The following ELAVL1 variants were observed in gnomAD, a reference collection of about 807,000 sequenced individuals.
ELAVL1 encodes ELAV like RNA binding protein 1, also known as ELAV-like protein 1.
Under a neutral mutation model 28.4 loss-of-function variants are expected in ELAVL1, and 1 was observed. That is an observed-to-expected ratio of 0.04 (90% CI 0.01 to 0.17). The LOEUF is 0.17. ELAVL1 is among the 10% of genes least tolerant of loss of function. The pLI is 1.00. For missense variants in ELAVL1, 157 were observed against 447.2 expected (o/e 0.35, Z 5.85); for synonymous variants, 174 against 183.5 (o/e 0.95, Z 0.42).
Position 7,979,133 on chromosome 19 carries a change from G to C in ELAVL1, c.276+1950C>G, listed in dbSNP as rs1289950762. Among the ~76,000 whole-genome samples the C allele has an allele frequency of 6.6e-6, 1 of 152,206 alleles. No homozygotes were observed. The highest frequency in any genetic ancestry group is 1.5e-5 in the Non-Finnish European group (1 of 68,030). The stretch of plus-strand genomic sequence containing the variant: ...AGAGGAGCCAGGCCCAGGGAGCCTC[G>C]GGGAGACCTGGGGAGAAATTACTTA... On this transcript the variant is annotated intron_variant, in intron 3 of 5. Transcript: ENST00000407627. The surrounding 1 kb of genome is among the most constrained non-coding windows in gnomAD (Gnocchi z 5.4).
At chr19:7,969,320 G>A (rs1409652844) in intron 4 of ELAVL1, among the ~76,000 whole-genome samples, 6 of 152,218 alleles carry the variant, frequency 3.9e-5, no homozygotes, top group Non-Finnish European at 7.3e-5. Context: ...GGGGCCTTGG[G>A]TGACCTGTCC....
At chr19:7,991,571 C>A in intron 2 of ELAVL1, 73 bp downstream of exon 2, 2 of 1,479,112 alleles carry the variant, frequency 1.4e-6, no homozygotes, top group South Asian at 1.3e-5. Flanking sequence ...GCCACAGAGT[C>A]ACAGGCAAAG....
chr19:7,995,853 C>T (rs1054167916), intron 1 of ELAVL1, among the ~76,000 whole-genome samples: 1 of 149,834 alleles, frequency 6.7e-6, no homozygotes, highest in Non-Finnish European at 1.5e-5. Context: ...AAAGATACTG[C>T]TAGGAGAATT....
chr19:7,963,874 G>A lies in ELAVL1; in HGVS notation c.657-67C>T, dbSNP rs1285534439. 1.3e-6 allele frequency: 2 copies of A among 1,522,896 alleles called. No homozygotes were observed. The highest frequency in any genetic ancestry group is 2.8e-5 in the African/African-American group (2 of 72,604). The allele number at this position is 1,522,896 out of a possible 1,614,324, so 94.3% of individuals were successfully genotyped here. ...GCGGCCTGGGGATGGGGCAAGGCCT[G>A]GACGCATGCTGACCATGGCCGCTGG... On this transcript the variant is annotated intron_variant, in intron 5 of 5. Transcript: ENST00000407627. The surrounding 1 kb of genome is among the most constrained non-coding windows in gnomAD (Gnocchi z 4.5).
intron 3 of ELAVL1, among the ~76,000 whole-genome samples, chr19:7,977,903 G>A (rs1318417628): frequency 3.3e-5 from 5 of 152,230 alleles, no homozygotes; most frequent in Admixed American, 6.5e-5. Flanking sequence ...TCTAGGATGC[G>A]GCCCTTGCCT....
rs377661419 is a variant in ELAVL1, at chr19:7,991,720, G to A, written c.96C>T (p.Thr32=). The A allele has an allele frequency of 1.2e-5, 20 of 1,614,056 alleles. No homozygotes were observed. In the African/African-American group the frequency reaches 2.5e-4, roughly 20 times the overall value. The stretch of plus-strand genomic sequence containing the variant: ...TGAACAGGCTTCGTAACTCATCCTG[G>A]GTCATGTTCTGAGGGAGGTAGTTGA... ...LIVNYLPQNM[T]QDELRSLFSS... Residue 32 remains threonine, a synonymous_variant, in exon 2 of 6, where the codon ACC becomes ACT. Transcript: ENST00000407627.
chr19:7,970,241 C>T (rs1160057743), intron 4 of ELAVL1, among the ~76,000 whole-genome samples: 12 of 152,164 alleles, frequency 7.9e-5, no homozygotes, highest in Non-Finnish European at 1.5e-4. Context: ...CTGCAACCTC[C>T]GCCTCCCAGG....
Position 7,963,480 on chromosome 19 carries a change from G to A in ELAVL1, c.*3C>T, listed in dbSNP as rs186880346. The A allele has an allele frequency of 1.5e-4, 243 of 1,600,738 alleles. No homozygotes were observed. The highest frequency in any genetic ancestry group is 2.0e-4 in the Non-Finnish European group (230 of 1,170,222). Reference sequence around the variant, plus strand: ...ATTCCGTACAAAAAAAAGCATGAGCGAGTTATTTGTGGGACTTGTTGGTTT... The same window carrying A: ...ATTCCGTACAAAAAAAAGCATGAGCAAGTTATTTGTGGGACTTGTTGGTTT... On this transcript the variant is annotated 3_prime_UTR_variant, in exon 6 of 6. Coordinates refer to ENST00000407627, the MANE Select transcript of ELAVL1 (RefSeq NM_001419.3). The surrounding 1 kb of genome is among the most constrained non-coding windows in gnomAD (Gnocchi z 4.5).
At chr19:8,001,879 T>A (rs2081069220) in intron 1 of ELAVL1, among the ~76,000 whole-genome samples, 1 of 152,128 alleles carries the variant, frequency 6.6e-6, no homozygotes, top group South Asian at 2.1e-4. Context: ...GAGCAAAGCA[T>A]CAGGCATACA....
chr19:7,989,912 T>A (rs1387069456), intron 2 of ELAVL1, among the ~76,000 whole-genome samples: 1 of 152,174 alleles, frequency 6.6e-6, no homozygotes, highest in African/African-American at 2.4e-5. Context: ...GGGTCAGGTG[T>A]CTTAAGGTTA....
intron 1 of ELAVL1, among the ~76,000 whole-genome samples, chr19:7,997,862 G>A (rs2081054771): frequency 6.6e-6 from 1 of 152,100 alleles, no homozygotes; most frequent in Non-Finnish European, 1.5e-5. Flanking sequence ...CAGCTGGGAG[G>A]ATCACTAGAG....
chr19:7,997,833 C>T (rs755103214), intron 1 of ELAVL1, among the ~76,000 whole-genome samples: 1 of 151,912 alleles, frequency 6.6e-6, no homozygotes, highest in Non-Finnish European at 1.5e-5. Context: ...TGTATGCAAT[C>T]CCAGCTAATC....
chr19:7,963,625 T>C lies in ELAVL1; in HGVS notation c.839A>G (p.Asn280Ser). Residue 280 changes from asparagine to serine, a missense_variant, in exon 6 of 6, where the codon AAC (asparagine) becomes AGC (serine). Physicochemically the swap from Asn to Ser is conservative, Grantham distance 46. Transcript: ENST00000407627. The surrounding 1 kb of genome is among the most constrained non-coding windows in gnomAD (Gnocchi z 4.5). ...GCCAAACCCTTTGCACTTGTTGGTG[T>C]TGAAGTCGCGGATCACTTTCACATT... is the stretch of plus-strand genomic sequence containing the variant. ...VTNVKVIRDF[N>S]TNKCKGFGFV... 2.5e-6 allele frequency: 4 copies of C among 1,614,278 alleles called. No homozygotes were observed. The highest frequency in any genetic ancestry group is 2.5e-6 in the Non-Finnish European group (3 of 1,180,046).
chr19:7,965,552 C>T (rs534390628), intron 5 of ELAVL1, among the ~76,000 whole-genome samples: 1 of 152,210 alleles, frequency 6.6e-6, no homozygotes, highest in East Asian at 1.9e-4. Context: ...CTTTCTTCCT[C>T]CTCTTCTCTC....
intron 1 of ELAVL1, among the ~76,000 whole-genome samples, chr19:8,004,003 C>A (rs1039783589): frequency 1.3e-5 from 2 of 152,190 alleles, no homozygotes; most frequent in Non-Finnish European, 2.9e-5. Flanking sequence ...AGTTCAAACC[C>A]TGGCGCAGCC....
rs1176875030 is a variant in ELAVL1, at chr19:7,962,841, C to T, written c.*642G>A. 2 of 152,742 alleles carry T rather than the reference C, an allele frequency of 1.3e-5. No individual in the cohort carries two copies. The highest frequency in any genetic ancestry group is 4.8e-5 in the African/African-American group (2 of 41,478). 9.5% of individuals were successfully genotyped at this position (152,742 alleles called of 1,614,324 possible). A position where few individuals can be genotyped will look rare whatever the true frequency, so the allele number is the denominator to read the frequency against. On this transcript the variant is annotated 3_prime_UTR_variant, in exon 6 of 6. Coordinates refer to ENST00000407627, the MANE Select transcript of ELAVL1 (RefSeq NM_001419.3). Reference sequence around the variant, plus strand: ...CATTGGTGCCTGGGCTTACGAAACACGTTTGTGTCCTTCTCTGGAGGGCCC... The same window carrying T: ...CATTGGTGCCTGGGCTTACGAAACATGTTTGTGTCCTTCTCTGGAGGGCCC...
In ELAVL1 at chr19:7,988,943, C is replaced by T. The variant is rs879878093; in HGVS notation, c.172+2701G>A. On this transcript the variant is annotated intron_variant, in intron 2 of 5. Transcript: ENST00000407627. ...GATCGGGGCTGGAGAGCTGGAGACG[C>T]TATTAGTTCCACTGCGAAGCGGGAG... 3.3e-5 allele frequency among the ~76,000 whole-genome samples: 5 copies of T among 152,194 alleles called. No homozygotes were observed. In the South Asian group the frequency reaches 1.0e-3, roughly 32 times the overall value.
chr19:7,982,997 C>T lies in ELAVL1; in HGVS notation c.173-1811G>A, dbSNP rs1405120549. ...CCGAGGCAGTCAGTTTGCCAGGTTT[C>T]TTGGCTGTAAAGTGACTCCCACCCC... On this transcript the variant is annotated intron_variant, in intron 2 of 5. Coordinates refer to ENST00000407627, the MANE Select transcript of ELAVL1 (RefSeq NM_001419.3). The surrounding 1 kb of genome is among the most constrained non-coding windows in gnomAD (Gnocchi z 4.3). 6.6e-6 allele frequency among the ~76,000 whole-genome samples: 1 copy of T among 152,194 alleles called. No homozygotes were observed. Among genetic ancestry groups the T allele is most frequent in the Admixed American group, 6.5e-5 (1 of 15,272 alleles).
chr19:7,992,813 CTAA>C (rs1241950138), intron 1 of ELAVL1, among the ~76,000 whole-genome samples: 24 of 152,258 alleles, frequency 1.6e-4, no homozygotes, highest in African/African-American at 5.8e-4. Context: ...ATGTGAGATG[CTAA>C]TAATGGGTGT....
Sources: gnomAD v4.1 joint callset for allele counts (sites outside exome capture counted in the v4.1 genomes callset) on GRCh38, gnomAD v4.1.1 for gene constraint, Gnocchi (gnomAD v3.1) non-coding constraint, MANE v1.5 for transcripts, NCBI Gene and HGNC (gene_info 2026-07-23, HGNC 2026-07-21) for gene names.